The following ZMYM6 variants were observed in gnomAD, a reference collection of about 807,000 sequenced individuals.
ZMYM6 encodes zinc finger MYM-type containing 6.
Under a neutral mutation model 134.0 loss-of-function variants are expected in ZMYM6, and 90 were observed. The observed-to-expected ratio is 0.67, with a 90% CI of 0.57 to 0.80. The LOEUF (loss-of-function observed/expected upper bound fraction) is 0.80. Among genes scored for constraint, ZMYM6 ranks in the 30% least tolerant of loss-of-function variants. The pLI is 0.00. For missense variants in ZMYM6, 1,362 were observed against 1,533.9 expected (o/e 0.89, Z 1.87); for synonymous variants, 481 against 524.1 (o/e 0.92, Z 1.12).
At chr1:35,010,622 A>C (rs1443942385) in intron 9 of ZMYM6, 25 bp from the exon 10 acceptor site, 1 of 1,589,436 alleles carries the variant, frequency 6.3e-7, no homozygotes. Context: ...CAGTCCATTA[A>C]GAGCCAACTA....
chr1:35,031,617 C>T (rs1345679432), intron 1 of ZMYM6, 198 bp downstream of exon 1: 1 of 152,312 alleles, frequency 6.6e-6, no homozygotes, highest in Non-Finnish European at 1.5e-5. Flanking sequence ...CCACTCCCAT[C>T]ATTGAGGACT....
chr1:35,020,347 T>C, intron 3 of ZMYM6, 36 bp downstream of exon 3: 1 of 1,544,396 alleles, frequency 6.5e-7, no homozygotes. Flanking sequence ...AATAAGCAAA[T>C]TAATTGTAAC....
intron 4 of ZMYM6, chr1:35,018,545 TTAA>T (rs1400071056): frequency 6.6e-6 from 1 of 151,988 alleles, no homozygotes; most frequent in Non-Finnish European, 1.5e-5. Flanking sequence ...ATTTTTATTA[TTAA>T]TAATAACAGG....
At chr1:35,030,927 C>T (rs1641510711) in intron 1 of ZMYM6, among the ~76,000 whole-genome samples, 1 of 152,192 alleles carries the variant, frequency 6.6e-6, no homozygotes, top group South Asian at 2.1e-4. Context: ...TCTCTAATAT[C>T]TTTAAAGACA....
In ZMYM6 at chr1:35,024,670, C is replaced by T. The variant is rs922160295; in HGVS notation, c.94-4203G>A. Among the ~76,000 whole-genome samples, 3 of 152,152 alleles carry T rather than the reference C, an allele frequency of 2.0e-5. No individual in the cohort carries two copies. In the Middle Eastern group the frequency reaches 0.01, roughly 521 times the overall value. On this transcript the variant is annotated intron_variant, in intron 2 of 15. Coordinates refer to ENST00000357182, the MANE Select transcript of ZMYM6 (RefSeq NM_007167.4). ...GTTGATACTCAACTATTAAACACAC[C>T]ACATTCTCTCACCCCTCCATGACGT... is the stretch of plus-strand genomic sequence containing the variant.
chr1:34,988,118 G>C lies in ZMYM6; in HGVS notation c.2964C>G (p.Gly988=). 6.4e-7 allele frequency: 1 copy of C among 1,551,420 alleles called. No individual in the cohort carries two copies. The highest frequency in any genetic ancestry group is 1.7e-4 in the Middle Eastern group (1 of 5,992). Residue 988 remains glycine, a synonymous_variant, in exon 16 of 16, where the codon GGC becomes GGG. Transcript: ENST00000357182. ...LCTDGAASMT[G]RYSGLKAKIQ... ...TTTTTGCTTTTAAACCAGAATACCT[G>C]CCAGTCATGCTTGCAGCCCCATCGG...
chr1:35,012,822 CA>C, intron 6 of ZMYM6: 1 of 985,230 alleles, frequency 1.0e-6, no homozygotes, highest in East Asian at 1.1e-4. Context: ...CACATGAATT[CA>C]AACACAAGTA....
At chr1:35,018,163 A>T (rs1005466972) in intron 4 of ZMYM6, 1 of 152,250 alleles carries the variant, frequency 6.6e-6, no homozygotes, top group African/African-American at 2.4e-5. Flanking sequence ...TGGGCAACAT[A>T]GCAAAACCAT....
intron 11 of ZMYM6, among the ~76,000 whole-genome samples, chr1:35,007,652 T>C (rs1263998464): frequency 1.3e-5 from 2 of 151,618 alleles, no homozygotes; most frequent in Non-Finnish European, 1.5e-5. Context: ...TATCTAAAGA[T>C]AGGTTCATAA....
intron 8 of ZMYM6, among the ~76,000 whole-genome samples, chr1:35,011,291 C>T (rs773991604): frequency 1.3e-5 from 2 of 152,038 alleles, no homozygotes; most frequent in Admixed American, 1.3e-4. Context: ...TAGAGCAGGC[C>T]TCTCCTTCCC....
Position 35,014,884 on chromosome 1 carries a change from C to A in ZMYM6, c.608G>T (p.Arg203Leu). 4 of 1,613,798 alleles carry A rather than the reference C, an allele frequency of 2.5e-6. No individual in the cohort carries two copies. The highest frequency in any genetic ancestry group is 3.4e-6 in the Non-Finnish European group (4 of 1,179,902). Reference protein sequence around the residue: ...CSMCQKNADTRFEVKYQNVVH... With the variant: ...CSMCQKNADTLFEVKYQNVVH... ...CACATTTTGATATTTAACTTCAAAT[C>A]GAGTCTAGGAAATAAACACACACAT... is the stretch of plus-strand genomic sequence containing the variant. Residue 203 changes from arginine (R) to leucine (L), a missense_variant, in exon 6 of 16, where the codon CGA becomes CTA. Physicochemically the swap from Arg to Leu is moderately radical, Grantham distance 102. Around this residue, in one of 3 missense-constraint regions of ZMYM6, gnomAD observed 503 missense variants for 520.8 expected, o/e 0.97. Transcript: ENST00000357182.
At chr1:35,006,003 T>C (rs1260431213) in intron 12 of ZMYM6, among the ~76,000 whole-genome samples, 1 of 152,166 alleles carries the variant, frequency 6.6e-6, no homozygotes, top group African/African-American at 2.4e-5. Flanking sequence ...GAGAACATAA[T>C]AGCAAGTGGC....
intron 2 of ZMYM6, among the ~76,000 whole-genome samples, chr1:35,021,096 G>A (rs1355060205): frequency 6.7e-6 from 1 of 150,112 alleles, no homozygotes; most frequent in African/African-American, 2.5e-5. Context: ...TGTTTAAAAG[G>A]GGGTAATAAA....
chr1:34,998,210 G>A (rs1475120484), intron 14 of ZMYM6, among the ~76,000 whole-genome samples: 6 of 152,120 alleles, frequency 3.9e-5, no homozygotes, highest in South Asian at 2.1e-4. Context: ...CCCAGGAGGC[G>A]GAGGTTGAAA....
chr1:35,031,211 T>A, intron 1 of ZMYM6: 1 of 152,426 alleles, frequency 6.6e-6, no homozygotes, highest in Middle Eastern at 3.4e-3. Context: ...GAGCTCAAGA[T>A]GCCATCCATC....
intron 12 of ZMYM6, among the ~76,000 whole-genome samples, chr1:35,006,409 T>C (rs756955547): frequency 4.6e-5 from 7 of 152,222 alleles, no homozygotes; most frequent in Non-Finnish European, 7.3e-5. Flanking sequence ...CTGACCATAT[T>C]AGCTGTCCTA....
intron 10 of ZMYM6, 119 bp downstream of exon 10, chr1:35,010,328 T>C: frequency 7.4e-7 from 1 of 1,352,922 alleles, no homozygotes; most frequent in Non-Finnish European, 1.0e-6. Flanking sequence ...GCCTCCAAAA[T>C]ACTTCTAATT....
intron 15 of ZMYM6, among the ~76,000 whole-genome samples, chr1:34,991,243 T>C (rs1166104880): frequency 6.6e-6 from 1 of 151,992 alleles, no homozygotes; most frequent in African/African-American, 2.4e-5. Flanking sequence ...TACACACATA[T>C]AGATGCCCAC....
At chr1:35,010,411 A>G (rs1355090008) in intron 10 of ZMYM6, 36 bp downstream of exon 10, 8 of 1,579,788 alleles carry the variant, frequency 5.1e-6, no homozygotes, top group Non-Finnish European at 6.8e-6. Context: ...AATTATAACA[A>G]CCCATGCTCT....
Sources: gnomAD v4.1 joint callset for allele counts (sites outside exome capture counted in the v4.1 genomes callset) on GRCh38, gnomAD v4.1.1 for gene constraint, gnomAD v4.1.1 regional missense constraint, MANE v1.5 for transcripts, NCBI Gene and HGNC (gene_info 2026-07-23, HGNC 2026-07-21) for gene names.